GNA12: variants seen among roughly 807,000 people sequenced by gnomAD.
The protein encoded by GNA12 is G protein subunit alpha 12.
Under a neutral mutation model 26.0 loss-of-function variants are expected in GNA12, and 9 were observed. The ratio of observed to expected loss-of-function variants is 0.35; its 90% confidence interval spans 0.21 to 0.60. The LOEUF (loss-of-function observed/expected upper bound fraction) is 0.60, where lower values mean the gene tolerates loss of function less well. GNA12 is among the 20% of genes least tolerant of loss of function. The pLI is 0.78. For synonymous variants in GNA12, 264 were observed against 219.6 expected (o/e 1.20, Z -1.79); for missense variants, 405 against 525.8 (o/e 0.77, Z 2.25).
intron 2 of GNA12, among the ~76,000 whole-genome samples, chr7:2,786,473 G>C (rs1324915045): frequency 6.6e-6 from 1 of 152,198 alleles, no homozygotes; most frequent in African/African-American, 2.4e-5. Flanking sequence ...ATAAACATAT[G>C]AAAAGAACCA....
chr7:2,731,380 T>C lies in GNA12; in HGVS notation c.947A>G (p.Asp316Gly), dbSNP rs753239425. 5.6e-6 allele frequency: 9 copies of C among 1,613,122 alleles called. No individual in the cohort carries two copies. The highest frequency in any genetic ancestry group is 5.9e-6 in the Non-Finnish European group (7 of 1,179,444). The change falls in exon 4 of 4, where the codon GAC becomes GGC. Residue 316 changes from aspartate (D) to glycine (G), a missense_variant. Transcript: ENST00000275364. The surrounding 1 kb of genome is among the most constrained non-coding windows in gnomAD (Gnocchi z 6.0). Reference sequence around the variant, plus strand: ...CAGCCTGTGCGGGTCGCCCCTGAAGTCCGGGAAGTGCTTCTTGATGCTCAC... The same window carrying C: ...CAGCCTGTGCGGGTCGCCCCTGAAGCCCGGGAAGTGCTTCTTGATGCTCAC... ...KTVSIKKHFP[D>G]FRGDPHRLED...
intron 2 of GNA12, among the ~76,000 whole-genome samples, chr7:2,753,310 C>T (rs567420398): frequency 6.6e-5 from 10 of 152,226 alleles, no homozygotes; most frequent in East Asian, 1.9e-4. Flanking sequence ...CATGCCACCA[C>T]GATTGGCTAA....
Position 2,787,336 on chromosome 7 carries a change from C to G in GNA12, c.525+7592G>C, listed in dbSNP as rs546016365. ...AACGCAATCCTATTTAAGTGTCAGTCAAACCACAGCACGCCTCTGACCAAT... is the reference window on the plus strand; with the variant it reads ...AACGCAATCCTATTTAAGTGTCAGTGAAACCACAGCACGCCTCTGACCAAT... On this transcript the variant is annotated intron_variant, in intron 2 of 3. Transcript: ENST00000275364. Among the ~76,000 whole-genome samples, 5 of 152,278 alleles carry G rather than the reference C, an allele frequency of 3.3e-5. No homozygotes were observed. In the South Asian group the frequency reaches 1.0e-3, roughly 32 times the overall value.
chr7:2,836,456 T>C lies in GNA12; in HGVS notation c.309+7397A>G, dbSNP rs75102778. Among the ~76,000 whole-genome samples, 186 of 152,298 alleles carry C rather than the reference T, an allele frequency of 1.2e-3. 1 individual carries two copies. The East Asian group carries it at 0.02, about 17-fold the overall frequency. On this transcript the variant is annotated intron_variant, in intron 1 of 3. Transcript: ENST00000275364. ...ATGACAAGGCAGTGAGTTCTCTGGG[T>C]GTCCTTACTGCCTCCTACTTACCCA...
At chr7:2,809,834 T>C (rs1793037158) in intron 1 of GNA12, among the ~76,000 whole-genome samples, 3 of 152,230 alleles carry the variant, frequency 2.0e-5, no homozygotes, top group Admixed American at 6.5e-5. Context: ...TAGTAATAAA[T>C]TCATAGTAAA....
chr7:2,754,678 G>C (rs1242895612), intron 2 of GNA12, among the ~76,000 whole-genome samples: 1 of 152,124 alleles, frequency 6.6e-6, no homozygotes, highest in Non-Finnish European at 1.5e-5. Context: ...GAGCCCAGGA[G>C]ACTGAGGCTG....
chr7:2,815,675 C>G (rs1793202232), intron 1 of GNA12, among the ~76,000 whole-genome samples: 1 of 152,220 alleles, frequency 6.6e-6, no homozygotes, highest in Non-Finnish European at 1.5e-5. Flanking sequence ...AAGTACCCCT[C>G]CGCCTCCTGA....
intron 1 of GNA12, among the ~76,000 whole-genome samples, chr7:2,820,756 G>A (rs973905810): frequency 1.3e-5 from 2 of 152,146 alleles, no homozygotes; most frequent in African/African-American, 4.8e-5. Flanking sequence ...TTTTACTTTA[G>A]AGACAGGATC....
chr7:2,766,182 C>A (rs1791797498), intron 2 of GNA12, among the ~76,000 whole-genome samples: 1 of 152,164 alleles, frequency 6.6e-6, no homozygotes, highest in African/African-American at 2.4e-5. Context: ...ATGCATTTGA[C>A]TACTTCAGGT....
At chr7:2,763,363 T>A (rs946774133) in intron 2 of GNA12, 1 of 154,314 alleles carries the variant, frequency 6.5e-6, no homozygotes, top group African/African-American at 2.4e-5. Flanking sequence ...GTTTGCTTCA[T>A]CGGGCGGAGA....
intron 2 of GNA12, among the ~76,000 whole-genome samples, chr7:2,740,089 T>C (rs1389792805): frequency 6.6e-6 from 1 of 152,202 alleles, no homozygotes; most frequent in Non-Finnish European, 1.5e-5. Flanking sequence ...ATCCACATCC[T>C]TGCCAACACT....
At chr7:2,776,491 CAG>C (rs1222195308) in intron 2 of GNA12, among the ~76,000 whole-genome samples, 1 of 152,168 alleles carries the variant, frequency 6.6e-6, no homozygotes, top group African/African-American at 2.4e-5. Flanking sequence ...CTGGCTAAGA[CAG>C]GGGCGATGAA....
chr7:2,731,064 T>C lies in GNA12; in HGVS notation c.*117A>G. On this transcript the variant is annotated 3_prime_UTR_variant, in exon 4 of 4. Transcript: ENST00000275364. The surrounding 1 kb of genome is among the most constrained non-coding windows in gnomAD (Gnocchi z 6.0). Reference sequence around the variant, plus strand: ...TCTGACAGCATTCCTGAGCCAGGTATTCCAGGGCACGGATCCGAGAAACCC... The same window carrying C: ...TCTGACAGCATTCCTGAGCCAGGTACTCCAGGGCACGGATCCGAGAAACCC... 1 of 669,466 alleles carries C rather than the reference T, an allele frequency of 1.5e-6. No individual in the cohort carries two copies. The highest frequency in any genetic ancestry group is 2.5e-6 in the Non-Finnish European group (1 of 394,686). The allele number at this position is 669,466 out of a possible 1,614,324, so 41.5% of individuals were successfully genotyped here. A position where few individuals can be genotyped will look rare whatever the true frequency, so the allele number is the denominator to read the frequency against.
chr7:2,730,759 T>G lies in GNA12; in HGVS notation c.*422A>C, dbSNP rs80106595. 8.1e-3 allele frequency: 1,349 copies of G among 167,420 alleles called. 16 individuals carry two copies. Among genetic ancestry groups the G allele is most frequent in the African/African-American group, 0.031 (1,290 of 42,084 alleles). The allele number at this position is 167,420 out of a possible 1,614,324, so 10.4% of individuals were successfully genotyped here. A position where few individuals can be genotyped will look rare whatever the true frequency, so the allele number is the denominator to read the frequency against. On this transcript the variant is annotated 3_prime_UTR_variant, in exon 4 of 4. Transcript: ENST00000275364. The stretch of plus-strand genomic sequence containing the variant: ...CAGGTTAGTCTGTCTCAGGGAAGAC[T>G]TGTGAGTTAGAAAAGCCGTCTGCAA...
At chr7:2,774,461 G>A (rs1446648467) in intron 2 of GNA12, among the ~76,000 whole-genome samples, 1 of 152,196 alleles carries the variant, frequency 6.6e-6, no homozygotes, top group South Asian at 2.1e-4. Context: ...AGAAGGAACA[G>A]CAAGCACAAG....
chr7:2,785,299 G>C (rs1292737173), intron 2 of GNA12, among the ~76,000 whole-genome samples: 1 of 152,198 alleles, frequency 6.6e-6, no homozygotes, highest in Non-Finnish European at 1.5e-5. Context: ...TCTCAAGCCT[G>C]TCTGGGTCAT....
At chr7:2,836,425 T>C (rs903038436) in intron 1 of GNA12, among the ~76,000 whole-genome samples, 14 of 152,148 alleles carry the variant, frequency 9.2e-5, no homozygotes, top group African/African-American at 3.4e-4. Context: ...CCTCAGGACT[T>C]GAGGGATGAC....
chr7:2,835,772 A>C lies in GNA12; in HGVS notation c.309+8081T>G, dbSNP rs1778820119. 3 of 745,126 alleles carry C rather than the reference A, an allele frequency of 4.0e-6. No individual in the cohort carries two copies. In the Admixed American group the frequency reaches 5.7e-5, roughly 14 times the overall value. 46.2% of individuals were successfully genotyped at this position (745,126 alleles called of 1,614,324 possible). A position where few individuals can be genotyped will look rare whatever the true frequency, so the allele number is the denominator to read the frequency against. On this transcript the variant is annotated intron_variant, in intron 1 of 3. Transcript: ENST00000275364. Reference sequence around the variant, plus strand: ...AAACAGAAACAACTCCAAAACGTAGAAGATGCTCGTGACGGTACCATGCTT... The same window carrying C: ...AAACAGAAACAACTCCAAAACGTAGCAGATGCTCGTGACGGTACCATGCTT...
intron 2 of GNA12, among the ~76,000 whole-genome samples, chr7:2,757,442 AG>A (rs1338845680): frequency 2.6e-5 from 4 of 152,192 alleles, no homozygotes; most frequent in Non-Finnish European, 5.9e-5. Context: ...GGGCACCCCT[AG>A]GAGCTGCCAG....
Sources: gnomAD v4.1 joint callset for allele counts (sites outside exome capture counted in the v4.1 genomes callset) on GRCh38, gnomAD v4.1.1 for gene constraint, Gnocchi (gnomAD v3.1) non-coding constraint, MANE v1.5 for transcripts, NCBI Gene and HGNC (gene_info 2026-07-23, HGNC 2026-07-21) for gene names.